Variants in ARHGEF3 observed in about 807,000 individuals in gnomAD.
ARHGEF3 encodes 59.8 kDA protein.
In ARHGEF3, 28 loss-of-function variants were observed where a neutral mutation model predicts 63.2. The ratio of observed to expected loss-of-function variants is 0.44; its 90% CI spans 0.33 to 0.61. The LOEUF (loss-of-function observed/expected upper bound fraction) is 0.61. ARHGEF3 is among the 20% of genes least tolerant of loss of function. ARHGEF3 has a pLI of 0.03. For missense variants in ARHGEF3, 533 were observed against 659.3 expected (o/e 0.81, Z 2.10); for synonymous variants, 266 against 254.2 (o/e 1.05, Z -0.44).
In ARHGEF3 at chr3:56,921,042, G is replaced by A. The variant is rs188363654; in HGVS notation, c.129+37781C>T. Among the ~76,000 whole-genome samples, 1,003 of 121,226 alleles carry A rather than the reference G, an allele frequency of 8.3e-3. 14 individuals are homozygous for A. Among genetic ancestry groups the A allele is most frequent in the African/African-American group, 0.03 (928 of 31,410 alleles). 79.5% of individuals were successfully genotyped at this position (121,226 alleles called of 152,430 possible). A position where few individuals can be genotyped will look rare whatever the true frequency, so the allele number is the denominator to read the frequency against. On this transcript the variant is annotated intron_variant, in intron 3 of 12. Transcript: ENST00000338458. Reference sequence around the variant, plus strand: ...TGCACTCCAGCCTGGGTGACAGAGCGAGACTCCATCTCAAAAAAAAAAAAA... The same window carrying A: ...TGCACTCCAGCCTGGGTGACAGAGCAAGACTCCATCTCAAAAAAAAAAAAA...
intron 4 of ARHGEF3, among the ~76,000 whole-genome samples, chr3:56,810,135 A>G (rs1362064012): frequency 6.6e-6 from 1 of 152,258 alleles, no homozygotes; most frequent in Non-Finnish European, 1.5e-5. Context: ...TAAAATGTAT[A>G]CATTCCAGCT....
rs566117455 is a variant in ARHGEF3 at position 56,778,458 on chromosome 3, G to A, written c.97-4642C>T. Among the ~76,000 whole-genome samples the A allele has an allele frequency of 3.7e-4, 57 of 152,268 alleles. No homozygotes were observed. In the Middle Eastern group the frequency reaches 0.01, roughly 27 times the overall value. On this transcript the variant is annotated intron_variant, in intron 1 of 9. Coordinates refer to ENST00000296315, the MANE Select transcript of ARHGEF3 (RefSeq NM_019555.3). ...CTCTGCTTTCGGACACAAACAATCT[G>A]TAAATAAATAAGTGTGGCTATATCA...
At chr3:56,857,585 G>A (rs551655485) in intron 4 of ARHGEF3, among the ~76,000 whole-genome samples, 11 of 152,282 alleles carry the variant, frequency 7.2e-5, no homozygotes, top group African/African-American at 2.4e-4. Context: ...ACCTAACTCT[G>A]TACTTTTTAT....
chr3:56,806,474 G>A (rs577592668), upstream of ARHGEF3, among the ~76,000 whole-genome samples: 1 of 152,348 alleles, frequency 6.6e-6, no homozygotes, highest in African/African-American at 2.4e-5. Context: ...ACTTGCCTTC[G>A]GCATAGCCCG....
intron 1 of ARHGEF3, among the ~76,000 whole-genome samples, chr3:57,042,690 A>ATT (rs1271376418): frequency 5.3e-4 from 7 of 13,098 alleles, no homozygotes; most frequent in Admixed American, 2.7e-3. Flanking sequence ...ATATATATAT[A>ATT]TATATATATA....
At chr3:56,892,995 G>A (rs4681929) in intron 3 of ARHGEF3, among the ~76,000 whole-genome samples, 22,968 of 152,158 alleles carry the variant, frequency 0.15, 2,571 homozygotes, top group East Asian at 0.51. Flanking sequence ...GTAGAGAAAC[G>A]GGCTGCTCTT....
rs869145503 is a variant in ARHGEF3, at chr3:57,042,700, A to ATTTTTT, written c.-27-7530_-27-7525dup. ...TATATATATATATATATATATATAT[A>ATTTTTT]TTTTTTTTTTTTTTTAGACGGAGTC... On this transcript the variant is annotated intron_variant, in intron 1 of 12. Transcript: ENST00000338458. Among the ~76,000 whole-genome samples, 70 of 66,112 alleles carry ATTTTTT rather than the reference A, an allele frequency of 1.1e-3. 2 individuals are homozygous for ATTTTTT. Among genetic ancestry groups the ATTTTTT allele is most frequent in the Non-Finnish European group, 1.5e-3 (51 of 34,872 alleles). The allele number at this position is 66,112 out of a possible 152,430, so 43.4% of individuals were successfully genotyped here.
rs11306302 is a variant in ARHGEF3 at position 56,795,655 on chromosome 3, C to CTT, written c.96+6046_96+6047dup. ...TTAACTTGTGACACAGTCTCTCTCTCTTTTTTTTTTTTGAAGATGGACTCT... is the reference window on the plus strand; with the variant it reads ...TTAACTTGTGACACAGTCTCTCTCTCTTTTTTTTTTTTTTGAAGATGGACTCT... On this transcript the variant is annotated intron_variant, in intron 1 of 9. Coordinates refer to ENST00000296315, the MANE Select transcript of ARHGEF3 (RefSeq NM_019555.3). Among the ~76,000 whole-genome samples, 11 of 130,538 alleles carry CTT rather than the reference C, an allele frequency of 8.4e-5. 1 individual carries two copies. Among genetic ancestry groups the CTT allele is most frequent in the South Asian group, 5.2e-4 (2 of 3,882 alleles). The allele number at this position is 130,538 out of a possible 152,430, so 85.6% of individuals were successfully genotyped here. A position where few individuals can be genotyped will look rare whatever the true frequency, so the allele number is the denominator to read the frequency against.
intron 1 of ARHGEF3, chr3:57,079,212 C>A (rs909272124): frequency 2.9e-4 from 114 of 395,902 alleles, no homozygotes; most frequent in Middle Eastern, 6.3e-4. Flanking sequence ...TTCCCGACTG[C>A]TTCCCGCACT....
intron 3 of ARHGEF3, among the ~76,000 whole-genome samples, chr3:56,946,215 G>C (rs1289039252): frequency 1.3e-5 from 2 of 152,196 alleles, no homozygotes; most frequent in South Asian, 2.1e-4. Flanking sequence ...CTAAAAATCA[G>C]AGTGCCTCTC....
chr3:57,064,289 A>T (rs149998657), intron 1 of ARHGEF3, among the ~76,000 whole-genome samples: 1 of 151,604 alleles, frequency 6.6e-6, no homozygotes, highest in African/African-American at 2.4e-5. Context: ...AAAACCAAAA[A>T]CCAAGAAGGA....
At chr3:56,880,302 T>C (rs890331910) in intron 4 of ARHGEF3, among the ~76,000 whole-genome samples, 1 of 152,040 alleles carries the variant, frequency 6.6e-6, no homozygotes, top group Admixed American at 6.6e-5. Flanking sequence ...ACATATGAGA[T>C]GGTTAAGAAA....
chr3:56,777,093 TA>T (rs1339389915), intron 1 of ARHGEF3, among the ~76,000 whole-genome samples: 3 of 152,372 alleles, frequency 2.0e-5, no homozygotes, highest in Non-Finnish European at 2.9e-5. Context: ...GTGGGTATAC[TA>T]GTTTAATTCT....
rs539183264 is a variant in ARHGEF3 at position 57,001,288 on chromosome 3, G to C, written c.62+33800C>G. On this transcript the variant is annotated intron_variant, in intron 2 of 12. Transcript: ENST00000338458. ...TGTTATACATTTTAGACTTATCCACGTTGATGCATGCAGGTGATAACTGCT... is the reference window on the plus strand; with the variant it reads ...TGTTATACATTTTAGACTTATCCACCTTGATGCATGCAGGTGATAACTGCT... Among the ~76,000 whole-genome samples, 81 of 152,272 alleles carry C rather than the reference G, an allele frequency of 5.3e-4. 1 individual carries two copies. The South Asian group carries it at 0.013, about 25-fold the overall frequency.
At chr3:57,070,785 C>T (rs773156564) in intron 1 of ARHGEF3, among the ~76,000 whole-genome samples, 16 of 151,546 alleles carry the variant, frequency 1.1e-4, no homozygotes, top group African/African-American at 3.6e-4. Flanking sequence ...ACAGCCAGAC[C>T]CAGTCTCTAC....
chr3:57,065,448 A>T (rs1451623146), intron 1 of ARHGEF3, among the ~76,000 whole-genome samples: 1 of 152,072 alleles, frequency 6.6e-6, no homozygotes, highest in Non-Finnish European at 1.5e-5. Context: ...GCAACAGAGC[A>T]GGACTCCATC....
rs78665493 is a variant in ARHGEF3 at position 56,748,060 on chromosome 3, G to C, written c.613-2598C>G. On this transcript the variant is annotated intron_variant, in intron 6 of 9. Coordinates refer to ENST00000296315, the MANE Select transcript of ARHGEF3 (RefSeq NM_019555.3). ...CAAGAAGTTCTTTGTTTTCGAGATA[G>C]GGTCTCCCTTTGTTGCTCAGGTGGA... is the stretch of plus-strand genomic sequence containing the variant. Among the ~76,000 whole-genome samples the C allele has an allele frequency of 9.0e-3, 1,367 of 152,276 alleles. 13 individuals are homozygous for C. The highest frequency in any genetic ancestry group is 0.031 in the African/African-American group (1,296 of 41,540).
rs1315831323 is a variant in ARHGEF3 at position 56,801,844 on chromosome 3, G to A, written c.-46C>T. 1.3e-6 allele frequency: 2 copies of A among 1,551,814 alleles called. No individual in the cohort carries two copies. The highest frequency in any genetic ancestry group is 2.4e-5 in the South Asian group (2 of 84,082). On this transcript the variant is annotated 5_prime_UTR_variant, in exon 1 of 10. Transcript: ENST00000296315. ...TTTGGGATGTCACCGCTGACCCTAG[G>A]CGACTACAAAACTCCCAGGCAAAAG...
intron 2 of ARHGEF3, among the ~76,000 whole-genome samples, chr3:56,965,154 C>T (rs927672454): frequency 1.3e-5 from 2 of 152,070 alleles, no homozygotes; most frequent in Admixed American, 6.6e-5. Context: ...ACTCAGCAGG[C>T]TGAGGTGGGA....
Sources: gnomAD v4.1 joint callset for allele counts (sites outside exome capture counted in the v4.1 genomes callset) on GRCh38, gnomAD v4.1.1 for gene constraint, MANE v1.5 for transcripts, NCBI Gene and HGNC (gene_info 2026-07-23, HGNC 2026-07-21) for gene names.